Variants in SP100 observed in about 807,000 individuals in gnomAD.
SP100 encodes the protein nuclear autoantigen Sp-100.
A neutral mutation model predicts 130.0 loss-of-function variants in SP100; 84 were observed. The ratio of observed to expected loss-of-function variants is 0.65; its 90% confidence interval spans 0.54 to 0.77. SP100 has a LOEUF of 0.77. Ranked by LOEUF, SP100 falls within the 30% of genes least tolerant of loss-of-function variation. The probability of loss-of-function intolerance (pLI) is 0.00; values close to 1 mark genes in which losing one functional copy is unlikely to be tolerated. For synonymous variants in SP100, 331 were observed against 351.7 expected (o/e 0.94, Z 0.66); for missense variants, 978 against 1,052.2 (o/e 0.93, Z 0.97).
intron 8 of SP100, among the ~76,000 whole-genome samples, chr2:230,454,063 A>G (rs1318417996): frequency 2.0e-5 from 3 of 152,148 alleles, no homozygotes; most frequent in Admixed American, 2.0e-4. Context: ...CTTCTAGGTT[A>G]TCCAATTTGT....
At position 230,443,004 on chromosome 2, in the gene SP100, A is replaced by G. The variant is rs761713842; in HGVS notation, c.175A>G (p.Arg59Gly). The change falls in exon 3 of 29, where the codon AGA (arginine) becomes GGA (glycine). Residue 59 changes from arginine to glycine, a missense_variant. Physicochemically the swap from Arg to Gly is moderately radical, Grantham distance 125. Coordinates refer to ENST00000340126, the MANE Select transcript of SP100 (RefSeq NM_001080391.2). ...TGACATTGTATTCAAGCACTTCAAAAGAAATAAGGTGGAGATTTCAAATGC... is the reference window on the plus strand; with the variant it reads ...TGACATTGTATTCAAGCACTTCAAAGGAAATAAGGTGGAGATTTCAAATGC... Reference protein sequence around the residue: ...LYDIVFKHFKRNKVEISNAIK... With the variant: ...LYDIVFKHFKGNKVEISNAIK... The G allele has an allele frequency of 1.2e-6, 2 of 1,614,060 alleles. No homozygotes were observed. The highest frequency in any genetic ancestry group is 2.2e-5 in the East Asian group (1 of 44,886).
intron 21 of SP100, 132 bp from the exon 22 acceptor site, chr2:230,506,167 GATAT>G (rs1690083583): frequency 2.5e-6 from 2 of 812,948 alleles, no homozygotes; most frequent in Admixed American, 2.3e-5. Context: ...TGAAGCCCCT[GATAT>G]CTGACAGGAA....
chr2:230,505,338 C>T (rs1031926402), intron 21 of SP100, among the ~76,000 whole-genome samples: 1 of 152,236 alleles, frequency 6.6e-6, no homozygotes, highest in African/African-American at 2.4e-5. Context: ...AAAATGTACA[C>T]ATCTGAGAAT....
At chr2:230,472,701 G>C (rs1224783658) in intron 15 of SP100, among the ~76,000 whole-genome samples, 1 of 152,088 alleles carries the variant, frequency 6.6e-6, no homozygotes, top group East Asian at 1.9e-4. Context: ...GGAGAGAAGA[G>C]AATGATGGAG....
intron 24 of SP100, among the ~76,000 whole-genome samples, chr2:230,523,572 A>G (rs952719087): frequency 6.6e-6 from 1 of 152,196 alleles, no homozygotes; most frequent in East Asian, 1.9e-4. Context: ...TCAAGTTCAT[A>G]TGACTTAAGA....
At chr2:230,510,976 C>A (rs981605481) in intron 23 of SP100, 149 bp from the exon 24 acceptor site, 16 of 674,476 alleles carry the variant, frequency 2.4e-5, no homozygotes, top group Non-Finnish European at 3.8e-5. Flanking sequence ...TTTTATTCTT[C>A]AGTTAGATGT....
Position 230,504,215 on chromosome 2 carries a change from A to C in SP100, c.1795A>C (p.Asn599His). The change falls in exon 21 of 29, where the codon AAT becomes CAT. Residue 599 changes from asparagine (N) to histidine (H), a missense_variant. By Grantham distance (68) the Asn-to-His change is moderately conservative. Transcript: ENST00000340126. ...AAGAATTCCCAAAGATGAAAATATT[A>C]ATTTTAAACAATCTGAACTTCCTGT... The part of the protein sequence containing the change: ...GPRIPKDENI[N>H]FKQSELPVTC... 6.2e-7 allele frequency: 1 copy of C among 1,612,152 alleles called. No individual in the cohort carries two copies. Among genetic ancestry groups the C allele is most frequent in the Admixed American group, 1.7e-5 (1 of 59,930 alleles).
chr2:230,489,466 T>C (rs2066281223), intron 17 of SP100, among the ~76,000 whole-genome samples: 1 of 152,056 alleles, frequency 6.6e-6, no homozygotes, highest in South Asian at 2.1e-4. Flanking sequence ...TTTTTTCAAA[T>C]AACCAGCTCC....
intron 14 of SP100, chr2:230,469,329 A>C: frequency 1.9e-6 from 1 of 525,258 alleles, no homozygotes; most frequent in East Asian, 3.9e-5. Flanking sequence ...AAATAGGATA[A>C]AGTAGTTCCT....
At chr2:230,440,321 T>C (rs907860928) in intron 2 of SP100, among the ~76,000 whole-genome samples, 1 of 152,074 alleles carries the variant, frequency 6.6e-6, no homozygotes, top group Non-Finnish European at 1.5e-5. Context: ...CATAAATTCA[T>C]GGTTAATATG....
In SP100 at chr2:230,534,934, C is replaced by T. The variant is rs186043168; in HGVS notation, c.2095-4333C>T. ...ATAATCAGCCGGGCATGGTGGCTCA[C>T]GCCTGTAATCCCAGCACTTTGGGAG... On this transcript the variant is annotated intron_variant, in intron 24 of 28. Coordinates refer to ENST00000340126, the MANE Select transcript of SP100 (RefSeq NM_001080391.2). Among the ~76,000 whole-genome samples the T allele has an allele frequency of 5.5e-4, 83 of 152,278 alleles. 2 individuals are homozygous for T. In the East Asian group the frequency reaches 0.013, roughly 23 times the overall value.
intron 4 of SP100, among the ~76,000 whole-genome samples, chr2:230,445,312 C>T (rs1326829689): frequency 1.3e-5 from 2 of 152,126 alleles, no homozygotes; most frequent in Non-Finnish European, 2.9e-5. Flanking sequence ...GAAAAATGGG[C>T]ACATGCTCTG....
chr2:230,531,664 A>C (rs1258940079), intron 24 of SP100, among the ~76,000 whole-genome samples: 1 of 152,222 alleles, frequency 6.6e-6, no homozygotes, highest in African/African-American at 2.4e-5. Flanking sequence ...CAAATTTCAC[A>C]TACATGCTTG....
intron 2 of SP100, among the ~76,000 whole-genome samples, chr2:230,426,938 T>G (rs1409274017): frequency 6.6e-6 from 1 of 152,042 alleles, no homozygotes; most frequent in East Asian, 1.9e-4. Flanking sequence ...CAGTGCTGTA[T>G]GCAAAAATAT....
At chr2:230,504,769 G>A (rs1345993834) in intron 21 of SP100, among the ~76,000 whole-genome samples, 1 of 152,134 alleles carries the variant, frequency 6.6e-6, no homozygotes, top group South Asian at 2.1e-4. Flanking sequence ...AAACAGTTTA[G>A]GCACAGTGAG....
chr2:230,471,932 G>T lies in SP100; in HGVS notation c.1430-1392G>T, dbSNP rs73998819. On this transcript the variant is annotated intron_variant, in intron 15 of 28. Transcript: ENST00000340126. ...ACTTCTCAGAAATTGTACCAGAAAC[G>T]TGAAAATAAAGTTGCTGATTGATTG... Among the ~76,000 whole-genome samples the T allele has an allele frequency of 5.9e-3, 905 of 152,234 alleles. 13 individuals carry two copies. The highest frequency in any genetic ancestry group is 0.021 in the African/African-American group (854 of 41,536).
intron 17 of SP100, among the ~76,000 whole-genome samples, chr2:230,491,325 C>G (rs1174365659): frequency 6.6e-6 from 1 of 152,202 alleles, no homozygotes; most frequent in Non-Finnish European, 1.5e-5. Context: ...TGGGCTCAGG[C>G]CCAAGGACAT....
intron 24 of SP100, chr2:230,515,592 T>C: frequency 6.2e-7 from 1 of 1,602,314 alleles, no homozygotes; most frequent in South Asian, 1.1e-5. Context: ...AGGAAGAAGA[T>C]GAAGAGGATG....
intron 17 of SP100, 115 bp from the exon 18 acceptor site, chr2:230,494,301 C>A: frequency 1.3e-6 from 1 of 795,270 alleles, no homozygotes; most frequent in Non-Finnish European, 2.1e-6. Context: ...GAGGACTTAG[C>A]CCCGCAAAAG....
Sources: gnomAD v4.1 joint callset for allele counts (sites outside exome capture counted in the v4.1 genomes callset) on GRCh38, gnomAD v4.1.1 for gene constraint, MANE v1.5 for transcripts, NCBI Gene and HGNC (gene_info 2026-07-23, HGNC 2026-07-21) for gene names.